Variants in CSMD3 observed in about 807,000 individuals in gnomAD.
The protein encoded by CSMD3 is CUB and Sushi multiple domains 3, also known as CUB and sushi domain-containing protein 3.
Under a neutral mutation model 435.2 loss-of-function variants are expected in CSMD3, and 177 were observed. That is an observed-to-expected ratio of 0.41 (90% CI 0.36 to 0.46). CSMD3 has a LOEUF of 0.46. Among genes scored for constraint, CSMD3 ranks in the 20% least tolerant of loss-of-function variants. The pLI is 0.34. For missense variants in CSMD3, 4,265 were observed against 4,504.6 expected (o/e 0.95, Z 1.52); for synonymous variants, 1,656 against 1,520.5 (o/e 1.09, Z -2.07).
intron 60 of CSMD3, among the ~76,000 whole-genome samples, chr8:112,264,987 G>A (rs142254381): frequency 0.012 from 1,876 of 151,862 alleles, 50 homozygotes; most frequent in African/African-American, 0.041. Context: ...GAAAAATTAC[G>A]GTTCTATAAT....
intron 2 of CSMD3, among the ~76,000 whole-genome samples, chr8:113,292,508 T>C (rs1443390151): frequency 6.6e-6 from 1 of 151,942 alleles, no homozygotes; most frequent in African/African-American, 2.4e-5. Context: ...TGTTTGTAAA[T>C]GTAAATTGGA....
intron 22 of CSMD3, among the ~76,000 whole-genome samples, chr8:112,609,263 C>T (rs999537896): frequency 9.3e-6 from 1 of 107,154 alleles, no homozygotes; most frequent in Admixed American, 9.2e-5. Flanking sequence ...AAAACATATA[C>T]TCGATAAAGG....
At chr8:112,568,335 G>A (rs140848151) in intron 24 of CSMD3, among the ~76,000 whole-genome samples, 1,995 of 152,254 alleles carry the variant, frequency 0.013, 22 homozygotes, top group Admixed American at 0.022. Flanking sequence ...GCTCACACCT[G>A]TAATCCCAGC....
rs78383353 is a variant in CSMD3, at chr8:112,471,633, A to C, written c.5395+958T>G. 8.9e-4 allele frequency among the ~76,000 whole-genome samples: 136 copies of C among 152,302 alleles called. 1 individual carries two copies. Among genetic ancestry groups the C allele is most frequent in the Non-Finnish European group, 1.5e-3 (99 of 68,016 alleles). On this transcript the variant is annotated intron_variant, in intron 32 of 70. Transcript: ENST00000297405. ...AGGATGAAAAGGAGGATATATAGGT[A>C]GTATCTGGTTATAAGAAATTGGACT...
intron 53 of CSMD3, among the ~76,000 whole-genome samples, chr8:112,301,349 T>C (rs1327971432): frequency 4.6e-5 from 7 of 152,068 alleles, no homozygotes; most frequent in Non-Finnish European, 1.0e-4. Context: ...GAAATTAGTT[T>C]TATGCATGTT....
intron 2 of CSMD3, among the ~76,000 whole-genome samples, chr8:113,296,758 G>A (rs1314346315): frequency 1.4e-5 from 2 of 143,728 alleles, no homozygotes; most frequent in East Asian, 2.1e-4. Context: ...CTGTTTCTTG[G>A]TTAGAAAACA....
At chr8:112,945,624 G>GTA (rs775420536) in intron 9 of CSMD3, among the ~76,000 whole-genome samples, 5 of 145,668 alleles carry the variant, frequency 3.4e-5, no homozygotes, top group Non-Finnish European at 6.1e-5. Flanking sequence ...GTGTGTGTGT[G>GTA]TATAATATTC....
rs571622493 is a variant in CSMD3, at chr8:112,945,002, TC to T, written c.1508+2787del. On this transcript the variant is annotated intron_variant, in intron 9 of 70. Transcript: ENST00000297405. ...CTGAATTTCAATTATGTTCAACTAA[TC>T]ACTTAACATATCTGCCTAGAAATCT... 9.8e-4 allele frequency among the ~76,000 whole-genome samples: 148 copies of T among 151,792 alleles called. 1 individual carries two copies. Among genetic ancestry groups the T allele is most frequent in the Non-Finnish European group, 1.8e-3 (122 of 67,754 alleles).
intron 6 of CSMD3, among the ~76,000 whole-genome samples, chr8:113,014,974 A>G (rs1339656002): frequency 6.6e-6 from 1 of 152,146 alleles, no homozygotes; most frequent in Non-Finnish European, 1.5e-5. Flanking sequence ...GAACTCAGCA[A>G]TTAGTATCTT....
At chr8:112,786,906 G>A (rs1025133082) in intron 13 of CSMD3, among the ~76,000 whole-genome samples, 1 of 151,936 alleles carries the variant, frequency 6.6e-6, no homozygotes, top group African/African-American at 2.4e-5. Context: ...CTCCCGACAG[G>A]CCCTGGTGTG....
intron 3 of CSMD3, among the ~76,000 whole-genome samples, chr8:113,194,394 G>A (rs1265084446): frequency 6.6e-6 from 1 of 151,340 alleles, no homozygotes. Context: ...TTAAAAAAGA[G>A]AGGAGAAAGG....
At chr8:113,080,349 A>T (rs921305359) in intron 5 of CSMD3, among the ~76,000 whole-genome samples, 2 of 152,152 alleles carry the variant, frequency 1.3e-5, no homozygotes, top group Admixed American at 1.3e-4. Context: ...TATAAACTAC[A>T]CCTTGTGGAT....
intron 16 of CSMD3, among the ~76,000 whole-genome samples, chr8:112,669,096 A>C (rs2075595545): frequency 6.6e-6 from 1 of 151,750 alleles, no homozygotes; most frequent in Admixed American, 6.6e-5. Context: ...GCAATTGCAC[A>C]ATCTCATCTC....
chr8:112,446,158 C>G (rs1253357862), intron 32 of CSMD3, among the ~76,000 whole-genome samples: 1 of 152,172 alleles, frequency 6.6e-6, no homozygotes, highest in South Asian at 2.1e-4. Context: ...ATTCTGTAGT[C>G]TAGAAACACA....
At chr8:112,347,799 T>C (rs1333445982) in intron 40 of CSMD3, among the ~76,000 whole-genome samples, 4 of 152,234 alleles carry the variant, frequency 2.6e-5, no homozygotes, top group Admixed American at 2.6e-4. Flanking sequence ...AAACAATAGT[T>C]TGCTCAATTA....
chr8:112,929,510 A>G (rs1056747802), intron 9 of CSMD3, among the ~76,000 whole-genome samples: 4 of 152,064 alleles, frequency 2.6e-5, no homozygotes, highest in Non-Finnish European at 5.9e-5. Flanking sequence ...ACTTGTCACT[A>G]TATGATGTTT....
In CSMD3 at chr8:112,744,973, T is replaced by C. The variant is rs148064256; in HGVS notation, c.1973-54923A>G. Among the ~76,000 whole-genome samples, 719 of 152,226 alleles carry C rather than the reference T, an allele frequency of 4.7e-3. 3 individuals carry two copies. Among genetic ancestry groups the C allele is most frequent in the Non-Finnish European group, 7.1e-3 (481 of 67,994 alleles). ...GAAATGACTTGGTCACATATCTGAT[T>C]TACAAATATAACTCTGAAGATGATG... On this transcript the variant is annotated intron_variant, in intron 13 of 70. Transcript: ENST00000297405.
intron 1 of CSMD3, among the ~76,000 whole-genome samples, chr8:113,326,970 T>G (rs1163672413): frequency 6.6e-6 from 1 of 152,156 alleles, no homozygotes; most frequent in Admixed American, 6.5e-5. Flanking sequence ...TTTCTTTAGG[T>G]TGTACCTAAG....
intron 13 of CSMD3, among the ~76,000 whole-genome samples, chr8:112,743,026 C>A (rs2077346002): frequency 1.3e-5 from 2 of 151,900 alleles, no homozygotes; most frequent in African/African-American, 4.8e-5. Flanking sequence ...GTGGGCTCTA[C>A]AAATCATGCA....
Sources: allele counts gnomAD v4.1 joint callset (sites outside exome capture counted in the v4.1 genomes callset), GRCh38; gene constraint gnomAD v4.1.1; transcripts MANE v1.5; gene names NCBI Gene and HGNC (gene_info 2026-07-23, HGNC 2026-07-21).